Variants in IL1RAPL2 observed in about 807,000 individuals in gnomAD.
The protein encoded by IL1RAPL2 is interleukin 1 receptor accessory protein like 2.
IL1RAPL2 carries 3 observed loss-of-function variants against 44.1 expected under a neutral mutation model. The ratio of observed to expected loss-of-function variants is 0.07; its 90% CI spans 0.03 to 0.18. The LOEUF is 0.18. IL1RAPL2 is among the 10% of genes least tolerant of loss of function. IL1RAPL2 has a pLI of 1.00. For synonymous variants in IL1RAPL2, 181 were observed against 178.8 expected (o/e 1.01, Z -0.10); for missense variants, 391 against 496.4 (o/e 0.79, Z 2.02).
intron 2 of IL1RAPL2, among the ~76,000 whole-genome samples, chrX:105,100,871 T>C (rs1487211040): frequency 8.9e-6 from 1 of 112,444 alleles, no homozygotes; most frequent in Non-Finnish European, 1.9e-5. Context: ...TATAAGATTC[T>C]GTGAAGTTTA....
intron 6 of IL1RAPL2, among the ~76,000 whole-genome samples, chrX:105,485,362 G>A (rs889869801): frequency 9.0e-6 from 1 of 111,165 alleles, no homozygotes; most frequent in Admixed American, 9.6e-5. Flanking sequence ...TAGAGTACAT[G>A]AAATATTTTG....
intron 5 of IL1RAPL2, among the ~76,000 whole-genome samples, chrX:105,433,345 A>G (rs1393083828): frequency 9.0e-6 from 1 of 111,397 alleles, no homozygotes; most frequent in Non-Finnish European, 1.9e-5. Context: ...TTACTGAAGC[A>G]AAATAAACCT....
chrX:104,896,067 G>A (rs1004206394), intron 2 of IL1RAPL2, among the ~76,000 whole-genome samples: 12 of 111,532 alleles, frequency 1.1e-4, no homozygotes, highest in African/African-American at 3.9e-4. Flanking sequence ...GGGATGGTAC[G>A]AGATGCCACC....
chrX:105,404,721 T>C (rs1368406089), intron 5 of IL1RAPL2, among the ~76,000 whole-genome samples: 1 of 111,993 alleles, frequency 8.9e-6, no homozygotes, highest in Non-Finnish European at 1.9e-5. Flanking sequence ...CCAGAACTGA[T>C]GATTTGTCAT....
intron 2 of IL1RAPL2, among the ~76,000 whole-genome samples, chrX:104,780,192 A>G (rs1932763298): frequency 9.0e-6 from 1 of 111,651 alleles, no homozygotes; most frequent in Non-Finnish European, 1.9e-5. Flanking sequence ...TATCAAACAA[A>G]TCCTAAGAAA....
chrX:105,681,950 T>G (rs2037929673), intron 6 of IL1RAPL2, among the ~76,000 whole-genome samples: 1 of 111,118 alleles, frequency 9.0e-6, no homozygotes, highest in African/African-American at 3.3e-5. Context: ...CAAGAAAGGA[T>G]CAGAGTAAAA....
rs1391342017 is a variant in IL1RAPL2, at chrX:104,581,273, A to C, written c.-20+14222A>C. Among the ~76,000 whole-genome samples the C allele has an allele frequency of 2.7e-5, 3 of 112,008 alleles. 1 individual carries two copies. The highest frequency in any genetic ancestry group is 9.7e-5 in the African/African-American group (3 of 30,796). ...ACTAAGCCACTTAGAAATGCTGGGC[A>C]CATTATGTGGCTCGGCCAACTTTTT... is the stretch of plus-strand genomic sequence containing the variant. On this transcript the variant is annotated intron_variant, in intron 1 of 10. Transcript: ENST00000372582.
At chrX:105,359,806 A>G (rs1253257182) in intron 5 of IL1RAPL2, among the ~76,000 whole-genome samples, 4 of 110,782 alleles carry the variant, frequency 3.6e-5, no homozygotes, top group Non-Finnish European at 7.6e-5. Flanking sequence ...ACCATTGGTT[A>G]TCGTTCACCA....
intron 2 of IL1RAPL2, among the ~76,000 whole-genome samples, chrX:104,724,450 AACTT>A (rs1391909360): frequency 9.0e-6 from 1 of 111,555 alleles, no homozygotes; most frequent in Non-Finnish European, 1.9e-5. Context: ...TGTACCCTAA[AACTT>A]AAAGTATAAT....
At chrX:104,807,654 A>G (rs1340738440) in intron 2 of IL1RAPL2, among the ~76,000 whole-genome samples, 3 of 111,697 alleles carry the variant, frequency 2.7e-5, no homozygotes, top group Non-Finnish European at 5.6e-5. Context: ...TTCATCATGC[A>G]TCCTTCCAGA....
chrX:104,945,894 T>A (rs1379108334), intron 2 of IL1RAPL2, among the ~76,000 whole-genome samples: 1 of 110,859 alleles, frequency 9.0e-6, no homozygotes, highest in East Asian at 2.8e-4. Context: ...ACTTTCTTTT[T>A]TTTTGTTGTT....
chrX:105,339,274 T>C (rs759184725), intron 5 of IL1RAPL2, among the ~76,000 whole-genome samples: 1 of 111,795 alleles, frequency 8.9e-6, no homozygotes, highest in African/African-American at 3.2e-5. Context: ...TTATATGCCA[T>C]GTAGGTTCCT....
At chrX:105,535,652 A>G (rs1303979028) in intron 6 of IL1RAPL2, among the ~76,000 whole-genome samples, 1 of 112,054 alleles carries the variant, frequency 8.9e-6, no homozygotes, top group Non-Finnish European at 1.9e-5. Context: ...CATTCATCTT[A>G]TAGGCACTAG....
chrX:104,656,078 A>G (rs944781884), intron 1 of IL1RAPL2, among the ~76,000 whole-genome samples: 5 of 110,438 alleles, frequency 4.5e-5, no homozygotes, highest in Non-Finnish European at 7.6e-5. Context: ...TTCTTTATTA[A>G]TCTTGCTAGT....
chrX:105,201,052 G>A (rs993543826), intron 3 of IL1RAPL2, among the ~76,000 whole-genome samples: 2 of 111,738 alleles, frequency 1.8e-5, no homozygotes, highest in African/African-American at 6.5e-5. Context: ...CCTCTGCAAC[G>A]AGGTAAACAT....
intron 2 of IL1RAPL2, among the ~76,000 whole-genome samples, chrX:105,009,175 G>C (rs1050881217): frequency 1.8e-5 from 2 of 111,611 alleles, no homozygotes; most frequent in Non-Finnish European, 3.8e-5. Flanking sequence ...TTCAACCATT[G>C]TGGAAGACAG....
intron 6 of IL1RAPL2, among the ~76,000 whole-genome samples, chrX:105,487,091 CAAA>C (rs397896906): frequency 1.2e-3 from 47 of 38,329 alleles, no homozygotes; most frequent in African/African-American, 3.6e-3. Context: ...GACTCCATCT[CAAA>C]AAAAAAAAAA....
chrX:105,277,623 C>G lies in IL1RAPL2; in HGVS notation c.697+10082C>G, dbSNP rs1178308543. 8.1e-5 allele frequency among the ~76,000 whole-genome samples: 9 copies of G among 111,542 alleles called. No individual in the cohort carries two copies. The Admixed American group carries it at 8.6e-4, about 11-fold the overall frequency. ...TGACTGATAAAGACCAAAAATGCTTCTCTTCTCAGCTAACATATTTGCAAT... is the reference window on the plus strand; with the variant it reads ...TGACTGATAAAGACCAAAAATGCTTGTCTTCTCAGCTAACATATTTGCAAT... On this transcript the variant is annotated intron_variant, in intron 5 of 10. Transcript: ENST00000372582.
intron 2 of IL1RAPL2, among the ~76,000 whole-genome samples, chrX:105,026,459 C>G (rs1185452665): frequency 1.8e-5 from 2 of 110,262 alleles, no homozygotes; most frequent in African/African-American, 6.6e-5. Flanking sequence ...AAATTAAAGA[C>G]TCCACCAAAA....
Sources: allele counts gnomAD v4.1 joint callset (sites outside exome capture counted in the v4.1 genomes callset), GRCh38; gene constraint gnomAD v4.1.1; transcripts MANE v1.5; gene names NCBI Gene and HGNC (gene_info 2026-07-23, HGNC 2026-07-21).